The following ANKK1 variants were observed in gnomAD, a reference collection of about 807,000 sequenced individuals.
The protein encoded by ANKK1 is ankyrin repeat and protein kinase domain-containing protein 1.
ANKK1 carries 37 observed loss-of-function variants against 37.6 expected under a neutral mutation model. The ratio of observed to expected loss-of-function variants is 0.98; its 90% CI spans 0.76 to 1.29. The LOEUF is 1.29. Among genes scored for constraint, ANKK1 ranks in the 50% most tolerant of loss-of-function variants. The pLI is 0.00. For synonymous variants in ANKK1, 415 were observed against 418.7 expected, an observed-to-expected ratio of 0.99 and a Z score of 0.11; for missense variants, 1,019 against 990.6, an observed-to-expected ratio of 1.03 and a Z score of -0.39.
At chr11:113,393,880 T>A in intron 2 of ANKK1, 105 bp downstream of exon 2, 1 of 1,310,936 alleles carries the variant, frequency 7.6e-7, no homozygotes, top group Non-Finnish European at 1.0e-6. Context: ...TTTAAGCAGT[T>A]CCCTTCATGG....
Position 113,387,839 on chromosome 11 carries a change from A to G in ANKK1, c.-46A>G, listed in dbSNP as rs1179053837. On this transcript the variant is annotated 5_prime_UTR_variant, in exon 1 of 8. Transcript: ENST00000303941. The stretch of plus-strand genomic sequence containing the variant: ...CGGCTCCTTCGGCCACCCAGGCAGC[A>G]GCCACAGCGGGGAGTGCGCGGCGCG... The G allele has an allele frequency of 3.5e-6, 5 of 1,444,182 alleles. No homozygotes were observed. In the South Asian group the frequency reaches 7.0e-5, roughly 20 times the overall value. 89.5% of individuals were successfully genotyped at this position (1,444,182 alleles called of 1,614,324 possible).
chr11:113,397,878 G>T, intron 6 of ANKK1, 102 bp from the exon 7 acceptor site: 1 of 1,330,004 alleles, frequency 7.5e-7, no homozygotes, highest in South Asian at 1.3e-5. Context: ...TGTGAGTCCT[G>T]ACAGTGACCG....
At chr11:113,394,803 G>T (rs999752269) in intron 2 of ANKK1, 126 bp from the exon 3 acceptor site, 3 of 1,291,010 alleles carry the variant, frequency 2.3e-6, no homozygotes, top group African/African-American at 1.5e-5. Context: ...GTGCTAGGAG[G>T]GAGTGTCATA....
intron 1 of ANKK1, among the ~76,000 whole-genome samples, chr11:113,388,456 C>G (rs533706000): frequency 2.0e-5 from 3 of 152,198 alleles, no homozygotes; most frequent in Non-Finnish European, 4.4e-5. Flanking sequence ...CTCCTACCCA[C>G]CCCAGCTCTC....
chr11:113,399,976 G>A lies in ANKK1; in HGVS notation c.2007G>A (p.Arg669=). Residue 669 remains arginine, a synonymous_variant, in exon 8 of 8, where the codon AGG becomes AGA. Coordinates refer to ENST00000303941, the MANE Select transcript of ANKK1 (RefSeq NM_178510.2). ...CACCCCTCCACCTGGCGGTCCAGAG[G>A]AGCACCTTCCTGAGTGTCATCAACC... is the stretch of plus-strand genomic sequence containing the variant. The part of the protein sequence containing the change: ...GWTPLHLAVQ[R]STFLSVINLL... 1 of 1,613,616 alleles carries A rather than the reference G, an allele frequency of 6.2e-7. No individual in the cohort carries two copies. Among genetic ancestry groups the A allele is most frequent in the Non-Finnish European group, 8.5e-7 (1 of 1,179,878 alleles).
intron 6 of ANKK1, 96 bp from the exon 7 acceptor site, chr11:113,397,884 G>A: frequency 7.3e-7 from 1 of 1,372,438 alleles, no homozygotes; most frequent in African/African-American, 1.4e-5. Flanking sequence ...TCCTGACAGT[G>A]ACCGGGAAGG....
Position 113,399,185 on chromosome 11 carries a change from C to A in ANKK1, c.1216C>A (p.Gln406Lys). 6.2e-7 allele frequency: 1 copy of A among 1,601,080 alleles called. No individual in the cohort carries two copies. Residue 406 changes from glutamine to lysine, a missense_variant, in exon 8 of 8, where the codon CAG becomes AAG. Physicochemically the swap from Gln to Lys is moderately conservative, Grantham distance 53. Transcript: ENST00000303941. ...GCCCCTCCTGATCGCCGCCCAGGAC[C>A]AGCAACCCGACCTCTGTGCCCTGCT... is the stretch of plus-strand genomic sequence containing the variant. The part of the protein sequence containing the change: ...YTPLLIAAQD[Q>K]QPDLCALLLA...
rs537006404 is a variant in ANKK1, at chr11:113,388,022, G to A, written c.138G>A (p.Thr46=). The A allele has an allele frequency of 5.1e-6, 8 of 1,553,730 alleles. No individual in the cohort carries two copies. In the African/African-American group the frequency reaches 5.4e-5, roughly 11 times the overall value. The stretch of plus-strand genomic sequence containing the variant: ...AGGCGCGGCACAGGCGCTGGCGGAC[G>A]GAGTACGCCATCAAGTGCGCCCCCT... ...VFQARHRRWR[T]EYAIKCAPCL... The change falls in exon 1 of 8, where the codon ACG becomes ACA. Residue 46 remains threonine (T), a synonymous_variant. Transcript: ENST00000303941.
In ANKK1 at chr11:113,400,304, C is replaced by A; in HGVS notation, c.*37C>A. ...AGCCGTGGTGGCTCACGTCTGTAAT[C>A]CCAGCACTTTGGGAGGCTGAGGCAG... is the stretch of plus-strand genomic sequence containing the variant. On this transcript the variant is annotated 3_prime_UTR_variant, in exon 8 of 8. Transcript: ENST00000303941. 6.7e-7 allele frequency: 1 copy of A among 1,492,254 alleles called. No individual in the cohort carries two copies. Among genetic ancestry groups the A allele is most frequent in the Non-Finnish European group, 9.0e-7 (1 of 1,114,458 alleles). The allele number at this position is 1,492,254 out of a possible 1,614,324, so 92.4% of individuals were successfully genotyped here. A position where few individuals can be genotyped will look rare whatever the true frequency, so the allele number is the denominator to read the frequency against.
intron 1 of ANKK1, among the ~76,000 whole-genome samples, chr11:113,388,500 A>C (rs1190279966): frequency 6.6e-6 from 1 of 152,036 alleles, no homozygotes; most frequent in Non-Finnish European, 1.5e-5. Context: ...AGGCTGTGGC[A>C]CTTTGCTCAG....
In ANKK1 at chr11:113,399,098, C is replaced by A. The variant is rs771643471; in HGVS notation, c.1129C>A (p.Gln377Lys). The A allele has an allele frequency of 1.9e-6, 3 of 1,594,522 alleles. No individual in the cohort carries two copies. The South Asian group carries it at 3.4e-5, about 18-fold the overall frequency. Residue 377 changes from glutamine (Q) to lysine (K), a missense_variant, in exon 8 of 8, where the codon CAG becomes AAG. Gln to Lys is a moderately conservative substitution (Grantham distance 53, BLOSUM62 1). Transcript: ENST00000303941. ...HFLVAQGSVE[Q>K]VRLLLAHEVD... ...CCTGGTGGCCCAGGGCAGTGTGGAG[C>A]AGGTGAGGTTGCTGCTGGCCCACGA...
At chr11:113,393,136 G>T (rs1950600672) in intron 1 of ANKK1, among the ~76,000 whole-genome samples, 1 of 152,160 alleles carries the variant, frequency 6.6e-6, no homozygotes, top group East Asian at 1.9e-4. Context: ...CATCATGTTG[G>T]TCCTCTGGGG....
intron 6 of ANKK1, among the ~76,000 whole-genome samples, chr11:113,397,584 C>T (rs982231618): frequency 2.6e-5 from 4 of 152,220 alleles, no homozygotes; most frequent in Non-Finnish European, 5.9e-5. Context: ...AAACTGACTC[C>T]TGTCCTGCAG....
Position 113,395,001 on chromosome 11 carries a change from C to A in ANKK1, c.553C>A (p.Arg185=). Residue 185 remains arginine, a synonymous_variant, in exon 3 of 8, where the codon CGG becomes AGG. Transcript: ENST00000303941. ...GCAGTACATCGAGAGGTCGGCTCTG[C>A]GGGGCATGCTCAGCTACATCCCCCC... ...RMQYIERSAL[R]GMLSYIPPEM... is the part of the protein sequence containing the mutation. 6.2e-7 allele frequency: 1 copy of A among 1,613,324 alleles called. No individual in the cohort carries two copies. Among genetic ancestry groups the A allele is most frequent in the Non-Finnish European group, 8.5e-7 (1 of 1,179,624 alleles).
At position 113,399,145 on chromosome 11, in the gene ANKK1, G is replaced by A. The variant is rs751757498; in HGVS notation, c.1176G>A (p.Thr392=). 15 of 1,595,418 alleles carry A rather than the reference G, an allele frequency of 9.4e-6. No individual in the cohort carries two copies. Among genetic ancestry groups the A allele is most frequent in the South Asian group, 3.4e-5 (3 of 87,512 alleles). Residue 392 remains threonine (T), a synonymous_variant, in exon 8 of 8, where the codon ACG becomes ACA. Transcript: ENST00000303941. ...LAHEVDVDCQ[T]ASGYTPLLIA... is the part of the protein sequence containing the mutation. ...ACGAGGTAGACGTGGACTGCCAGAC[G>A]GCCTCTGGATACACGCCCCTCCTGA...
In ANKK1 at chr11:113,400,220, G is replaced by A; in HGVS notation, c.2251G>A (p.Val751Met). 6.4e-7 allele frequency: 1 copy of A among 1,552,270 alleles called. No individual in the cohort carries two copies. Among genetic ancestry groups the A allele is most frequent in the Non-Finnish European group, 8.7e-7 (1 of 1,148,310 alleles). The change falls in exon 8 of 8, where the codon GTG becomes ATG. Residue 751 changes from valine (V) to methionine (M), a missense_variant. Coordinates refer to ENST00000303941, the MANE Select transcript of ANKK1 (RefSeq NM_178510.2). ...CTTCCTAGAGGGCAAGGAGCCGTCA[G>A]TGGCCACTCTGGGTGGTTCTAAGCC... ...MSFLEGKEPS[V>M]ATLGGSKPGA...
intron 7 of ANKK1, 121 bp from the exon 8 acceptor site, chr11:113,398,843 A>G: frequency 1.2e-6 from 1 of 846,348 alleles, no homozygotes; most frequent in East Asian, 2.7e-5. Flanking sequence ...TAGGAAAGGC[A>G]TTGCCCTTAC....
At chr11:113,393,334 C>A in intron 1 of ANKK1, 147 bp from the exon 2 acceptor site, 1 of 786,656 alleles carries the variant, frequency 1.3e-6, no homozygotes, top group Non-Finnish European at 2.0e-6. Context: ...TGCTTCATGT[C>A]TCTCTTTCCT....
chr11:113,390,101 G>A (rs1950576229), intron 1 of ANKK1, among the ~76,000 whole-genome samples: 1 of 152,228 alleles, frequency 6.6e-6, no homozygotes, highest in Non-Finnish European at 1.5e-5. Flanking sequence ...CGATGAGGAA[G>A]AGGGGTATTA....
Sources: gnomAD v4.1 joint callset for allele counts (sites outside exome capture counted in the v4.1 genomes callset) on GRCh38, gnomAD v4.1.1 for gene constraint, MANE v1.5 for transcripts, NCBI Gene and HGNC (gene_info 2026-07-23, HGNC 2026-07-21) for gene names.